ARFGEF1: variants seen among roughly 807,000 people sequenced by gnomAD.
The protein encoded by ARFGEF1 is ARF guanine nucleotide exchange factor 1.
In ARFGEF1, 42 loss-of-function variants were observed where a neutral mutation model predicts 231.0. That is an observed-to-expected ratio of 0.18 (90% CI 0.14 to 0.24). ARFGEF1 has a LOEUF of 0.24. Among genes scored for constraint, ARFGEF1 ranks in the 10% least tolerant of loss-of-function variants. The pLI is 1.00. For synonymous variants in ARFGEF1, 710 were observed against 732.3 expected, an observed-to-expected ratio of 0.97 and a Z score of 0.49; for missense variants, 1,345 against 2,192.0, an observed-to-expected ratio of 0.61 and a Z score of 7.72.
At position 67,224,958 on chromosome 8, in the gene ARFGEF1, T is replaced by A; in HGVS notation, c.4153A>T (p.Ile1385Phe). ...ATGATACAGGATAACTCAAAGAGAATTGGGAACCATCCTCTCACCCACACC... is the reference window on the plus strand; with the variant it reads ...ATGATACAGGATAACTCAAAGAGAAATGGGAACCATCCTCTCACCCACACC... The part of the protein sequence containing the change: ...DRVWVRGWFP[I>F]LFELSCIINR... Residue 1385 changes from isoleucine (I) to phenylalanine (F), a missense_variant, in exon 29 of 39, where the codon ATT becomes TTT. Physicochemically the swap from Ile to Phe is conservative, Grantham distance 21 (BLOSUM62 0). Around this residue, in one of 14 missense-constraint regions of ARFGEF1, gnomAD observed 142 missense variants for 227.3 expected, o/e 0.62. Transcript: ENST00000262215. 1 of 1,606,930 alleles carries A rather than the reference T, an allele frequency of 6.2e-7. No homozygotes were observed. Among genetic ancestry groups the A allele is most frequent in the Non-Finnish European group, 8.5e-7 (1 of 1,176,168 alleles).
chr8:67,234,709 G>C (rs1180091508), intron 22 of ARFGEF1, among the ~76,000 whole-genome samples: 1 of 152,054 alleles, frequency 6.6e-6, no homozygotes, highest in East Asian at 1.9e-4. Flanking sequence ...GGATCCGTTA[G>C]GTCTTTTAGA....
intron 34 of ARFGEF1, among the ~76,000 whole-genome samples, chr8:67,210,638 A>T (rs114847792): frequency 6.6e-6 from 1 of 152,136 alleles, no homozygotes; most frequent in Non-Finnish European, 1.5e-5. Flanking sequence ...GGGGTGGAGA[A>T]AGAAGACTCA....
chr8:67,226,314 G>T, intron 27 of ARFGEF1, 131 bp from the exon 28 acceptor site: 1 of 820,388 alleles, frequency 1.2e-6, no homozygotes. Flanking sequence ...CAACAGATAC[G>T]AAGTTCAAGA....
intron 23 of ARFGEF1, among the ~76,000 whole-genome samples, chr8:67,230,557 G>C (rs191514549): frequency 3.6e-4 from 55 of 152,098 alleles, no homozygotes; most frequent in African/African-American, 8.2e-4. Flanking sequence ...AAGTATTTAT[G>C]AGCAAAGGAA....
intron 6 of ARFGEF1, among the ~76,000 whole-genome samples, chr8:67,289,721 T>C (rs1299261738): frequency 6.6e-6 from 1 of 152,138 alleles, no homozygotes; most frequent in Non-Finnish European, 1.5e-5. Flanking sequence ...TAAATATGCA[T>C]GTAAATGAGC....
At chr8:67,201,665 C>G in intron 36 of ARFGEF1, 60 bp from the exon 37 acceptor site, 1 of 1,602,660 alleles carries the variant, frequency 6.2e-7, no homozygotes, top group Non-Finnish European at 8.5e-7. Context: ...AAAGGTGAAA[C>G]AGCCCGTATG....
At chr8:67,246,444 A>G (rs1451776536) in intron 19 of ARFGEF1, among the ~76,000 whole-genome samples, 1 of 150,392 alleles carries the variant, frequency 6.6e-6, no homozygotes. Flanking sequence ...AGAAATCAGT[A>G]ACAAGAATAA....
At chr8:67,178,877 G>A (rs1174192946) in intron 5 of ARFGEF1, among the ~76,000 whole-genome samples, 2 of 152,192 alleles carry the variant, frequency 1.3e-5, no homozygotes, top group African/African-American at 4.8e-5. Flanking sequence ...ATGGGAAGCT[G>A]CCAAGGTCTT....
chr8:67,211,186 A>T (rs1331149566), intron 34 of ARFGEF1, among the ~76,000 whole-genome samples: 1 of 151,030 alleles, frequency 6.6e-6, no homozygotes, highest in African/African-American at 2.4e-5. Context: ...TCGACTAAAA[A>T]TACAAAAATT....
intron 30 of ARFGEF1, among the ~76,000 whole-genome samples, chr8:67,218,903 C>A (rs1563843884): frequency 6.6e-6 from 1 of 152,062 alleles, no homozygotes; most frequent in Non-Finnish European, 1.5e-5. Flanking sequence ...ACGAAAAAGT[C>A]AGAAAAACAC....
intron 10 of ARFGEF1, among the ~76,000 whole-genome samples, chr8:67,269,232 A>C (rs1036371306): frequency 2.0e-5 from 3 of 152,154 alleles, no homozygotes; most frequent in Non-Finnish European, 4.4e-5. Context: ...CCCATGAAAA[A>C]ATCACATCAC....
intron 1 of ARFGEF1, among the ~76,000 whole-genome samples, chr8:67,338,388 G>GGGA (rs1351207082): frequency 1.3e-5 from 2 of 152,126 alleles, no homozygotes; most frequent in Non-Finnish European, 2.9e-5. Flanking sequence ...CATATCCTAG[G>GGGA]GGAGTTAACT....
intron 5 of ARFGEF1, among the ~76,000 whole-genome samples, chr8:67,186,190 C>A (rs7816746): frequency 0.083 from 12,621 of 152,130 alleles, 1,063 homozygotes; most frequent in African/African-American, 0.22. Context: ...TTTTATAATG[C>A]AGAGTGAGAA....
chr8:67,213,934 C>A (rs1269659717), intron 33 of ARFGEF1, among the ~76,000 whole-genome samples: 1 of 152,060 alleles, frequency 6.6e-6, no homozygotes, highest in African/African-American at 2.4e-5. Context: ...TTTTGCTGGC[C>A]CTGATAAAGA....
In ARFGEF1 at chr8:67,269,407, C is replaced by T. The variant is rs182341854; in HGVS notation, c.1573-1965G>A. ...CGCTCTTGTTGACCAGGCTGGAGTGCAATGGCGCGATCTTAGCTCACTGCA... is the reference window on the plus strand; with the variant it reads ...CGCTCTTGTTGACCAGGCTGGAGTGTAATGGCGCGATCTTAGCTCACTGCA... On this transcript the variant is annotated intron_variant, in intron 10 of 38. Transcript: ENST00000262215. 5.6e-4 allele frequency among the ~76,000 whole-genome samples: 79 copies of T among 141,968 alleles called. 1 individual carries two copies. The South Asian group carries it at 8.6e-3, about 16-fold the overall frequency. 93.1% of individuals were successfully genotyped at this position (141,968 alleles called of 152,430 possible).
intron 1 of ARFGEF1, among the ~76,000 whole-genome samples, chr8:67,315,740 G>A (rs1807282359): frequency 6.6e-6 from 1 of 152,114 alleles, no homozygotes; most frequent in African/African-American, 2.4e-5. Context: ...CCATGGGTCA[G>A]AGGAAGTCTT....
At chr8:67,244,637 G>T (rs1350032055) in intron 19 of ARFGEF1, among the ~76,000 whole-genome samples, 1 of 149,314 alleles carries the variant, frequency 6.7e-6, no homozygotes, top group Non-Finnish European at 1.5e-5. Context: ...TCAAGCAGAA[G>T]AAAGAATTAG....
At chr8:67,322,350 A>G (rs550425426) in intron 1 of ARFGEF1, among the ~76,000 whole-genome samples, 1 of 152,180 alleles carries the variant, frequency 6.6e-6, no homozygotes, top group Non-Finnish European at 1.5e-5. Context: ...TCCCCAGAAT[A>G]CTTTTTCCAC....
intron 17 of ARFGEF1, among the ~76,000 whole-genome samples, chr8:67,255,560 A>G (rs1840427978): frequency 6.6e-6 from 1 of 152,226 alleles, no homozygotes; most frequent in Non-Finnish European, 1.5e-5. Flanking sequence ...TAAGAATGAG[A>G]ATTAGTTTTA....
Sources: gnomAD v4.1 joint callset for allele counts (sites outside exome capture counted in the v4.1 genomes callset) on GRCh38, gnomAD v4.1.1 for gene constraint, gnomAD v4.1.1 regional missense constraint, MANE v1.5 for transcripts, NCBI Gene and HGNC (gene_info 2026-07-23, HGNC 2026-07-21) for gene names.